RGL3: variants seen among roughly 807,000 people sequenced by gnomAD.
RGL3 encodes ral guanine nucleotide dissociation stimulator-like 3.
A neutral mutation model predicts 90.6 loss-of-function variants in RGL3; 85 were observed. The ratio of observed to expected loss-of-function variants is 0.94; its 90% CI spans 0.79 to 1.12. The LOEUF is 1.12. Among genes scored for constraint, RGL3 ranks in the 50% most tolerant of loss-of-function variants. The pLI is 0.00. For synonymous variants in RGL3, 408 were observed against 385.5 expected (o/e 1.06, Z -0.68); for missense variants, 1,034 against 939.2 (o/e 1.10, Z -1.32).
At chr19:11,404,566 G>GACA (rs113866243) in intron 9 of RGL3, among the ~76,000 whole-genome samples, 56 of 151,700 alleles carry the variant, frequency 3.7e-4, no homozygotes, top group African/African-American at 1.1e-3. Context: ...AAATGATGAC[G>GACA]ACAACAACAA....
intron 18 of RGL3, among the ~76,000 whole-genome samples, chr19:11,396,848 C>T (rs976819016): frequency 1.3e-5 from 2 of 149,392 alleles, no homozygotes; most frequent in Admixed American, 6.7e-5. Flanking sequence ...TTGTATGTTT[C>T]GTAGAGACGG....
rs139186050 is a variant in RGL3, at chr19:11,401,319, C to T, written c.1484+692G>A. 3.8e-3 allele frequency among the ~76,000 whole-genome samples: 575 copies of T among 151,528 alleles called. 5 individuals carry two copies. The highest frequency in any genetic ancestry group is 0.013 in the African/African-American group (521 of 41,306). On this transcript the variant is annotated intron_variant, in intron 13 of 18. Coordinates refer to ENST00000380456, the MANE Select transcript of RGL3 (RefSeq NM_001035223.4). ...TTTTGGCTCACTCCAACCTCTGCCTCCCAGGCTCCAGCAATCCTCCCACCT... is the reference window on the plus strand; with the variant it reads ...TTTTGGCTCACTCCAACCTCTGCCTTCCAGGCTCCAGCAATCCTCCCACCT...
intron 5 of RGL3, among the ~76,000 whole-genome samples, chr19:11,414,713 A>G (rs951555381): frequency 6.6e-6 from 1 of 151,168 alleles, no homozygotes; most frequent in Non-Finnish European, 1.5e-5. Context: ...GATACTTCCT[A>G]AGCAGGATGC....
intron 7 of RGL3, among the ~76,000 whole-genome samples, 156 bp from the exon 8 acceptor site, chr19:11,405,582 ATCATAGCTCAC>A (rs1378168689): frequency 8.0e-6 from 1 of 125,446 alleles, no homozygotes; most frequent in African/African-American, 3.0e-5. Flanking sequence ...CAGTGGCTCG[ATCATAGCTCAC>A]TTGCTGCCTG....
rs752409755 is a variant in RGL3 at position 11,405,208 on chromosome 19, T to C, written c.1124A>G (p.Lys375Arg). The change falls in exon 9 of 19, where the codon AAA becomes AGA. Residue 375 changes from lysine to arginine, a missense_variant. Transcript: ENST00000380456. Reference sequence around the variant, plus strand: ...CTCATCGGAGAAAATCTGCGAAAGTTTCCTGAAAGTAGATAGCGGTTCCCT... The same window carrying C: ...CTCATCGGAGAAAATCTGCGAAAGTCTCCTGAAAGTAGATAGCGGTTCCCT... Reference protein sequence around the residue: ...VSREPLSTFRKLSQIFSDENN... With the variant: ...VSREPLSTFRRLSQIFSDENN... 57 of 1,614,020 alleles carry C rather than the reference T, an allele frequency of 3.5e-5. No individual in the cohort carries two copies. The highest frequency in any genetic ancestry group is 4.3e-5 in the Non-Finnish European group (51 of 1,180,026).
Position 11,399,889 on chromosome 19 carries a change from G to C in RGL3, c.1712C>G (p.Pro571Arg), listed in dbSNP as rs149671936. 2.0e-6 allele frequency: 3 copies of C among 1,517,090 alleles called. No individual in the cohort carries two copies. The African/African-American group carries it at 4.2e-5, about 21-fold the overall frequency. The allele number at this position is 1,517,090 out of a possible 1,614,324, so 94.0% of individuals were successfully genotyped here. A position where few individuals can be genotyped will look rare whatever the true frequency, so the allele number is the denominator to read the frequency against. ...GGGGCCCTGGGGCCCTGGAGAGGCCGGGGGACTGCCAGCAGGAGCATCTCT... is the reference window on the plus strand; with the variant it reads ...GGGGCCCTGGGGCCCTGGAGAGGCCCGGGGACTGCCAGCAGGAGCATCTCT... ...RSRDAPAGSP[P>R]ASPGPQGPST... The change falls in exon 16 of 19, where the codon CCG (proline) becomes CGG (arginine). Residue 571 changes from proline to arginine, a missense_variant. Pro to Arg is a moderately radical substitution (Grantham distance 103). Transcript: ENST00000380456.
chr19:11,399,996 CTGATCCCA>C, intron 15 of RGL3, 36 bp downstream of exon 15: 1 of 1,595,518 alleles, frequency 6.3e-7, no homozygotes, highest in South Asian at 1.1e-5. Flanking sequence ...GTGCTGACTC[CTGATCCCA>C]TGATCCCCAG....
intron 18 of RGL3, among the ~76,000 whole-genome samples, chr19:11,395,630 A>G (rs536858152): frequency 2.0e-5 from 3 of 151,790 alleles, no homozygotes; most frequent in African/African-American, 7.2e-5. Flanking sequence ...TAGACAATCT[A>G]TTTTTTCTTT....
intron 16 of RGL3, among the ~76,000 whole-genome samples, chr19:11,399,519 A>G (rs1412067835): frequency 1.3e-5 from 2 of 152,090 alleles, no homozygotes; most frequent in African/African-American, 4.8e-5. Context: ...CGGTGAGCTG[A>G]GATTGCACCG....
chr19:11,418,393 T>A (rs1354294610), intron 2 of RGL3: 1 of 494,792 alleles, frequency 2.0e-6, no homozygotes, highest in Non-Finnish European at 3.6e-6. Context: ...TAAACCTGCC[T>A]TTCCCAACTC....
Position 11,402,707 on chromosome 19 carries a change from C to T in RGL3, c.1186-1G>A. On this transcript the variant is annotated splice_acceptor_variant, in intron 9 of 18. Transcript: ENST00000380456. LOFTEE classifies it high-confidence loss of function. Reference sequence around the variant, plus strand: ...CTTGGGATCCCTCAGTGGCCTCCTCCTGAGGGAAGAGAAAAACTGAGCCAG... The same window carrying T: ...CTTGGGATCCCTCAGTGGCCTCCTCTTGAGGGAAGAGAAAAACTGAGCCAG... 6.2e-7 allele frequency: 1 copy of T among 1,612,896 alleles called. No homozygotes were observed. Among genetic ancestry groups the T allele is most frequent in the African/African-American group, 1.3e-5 (1 of 74,922 alleles).
At chr19:11,414,499 A>ATATATATATATATATACC (rs1968952569) in intron 5 of RGL3, among the ~76,000 whole-genome samples, 3 of 73,688 alleles carry the variant, frequency 4.1e-5, no homozygotes, top group Admixed American at 1.8e-4. Context: ...TCATATATAT[A>ATATATATATATATATACC]TATATATATA....
chr19:11,404,757 G>A (rs11878750), intron 9 of RGL3, among the ~76,000 whole-genome samples: 3,221 of 152,128 alleles, frequency 0.021, 108 homozygotes, highest in African/African-American at 0.073. Context: ...AAAAACCAGC[G>A]CCTGATTGCA....
intron 18 of RGL3, among the ~76,000 whole-genome samples, chr19:11,396,695 C>T (rs1467532720): frequency 2.8e-5 from 4 of 144,118 alleles, no homozygotes; most frequent in African/African-American, 1.0e-4. Flanking sequence ...AACAGAGTCT[C>T]GCTCTGCTGC....
In RGL3 at chr19:11,406,428, G is replaced by A; in HGVS notation, c.987C>T (p.Arg329=). 1 of 1,538,010 alleles carries A rather than the reference G, an allele frequency of 6.5e-7. No individual in the cohort carries two copies. ...CGCGCCCGCAACACACCTGGGCGAT[G>A]CGGATCCACTTCTCCAGCCGCTGCG... ...QRAQRLEKWI[R]IAQRCRELRN... The change falls in exon 7 of 19, where the codon CGC becomes CGT. Residue 329 remains arginine, a synonymous_variant. Coordinates refer to ENST00000380456, the MANE Select transcript of RGL3 (RefSeq NM_001035223.4).
rs1968635895 is a variant in RGL3, at chr19:11,399,613, A to G, written c.1746+242T>C. Among the ~76,000 whole-genome samples, 4 of 152,232 alleles carry G rather than the reference A, an allele frequency of 2.6e-5. No homozygotes were observed. The South Asian group carries it at 8.3e-4, about 32-fold the overall frequency. On this transcript the variant is annotated intron_variant, in intron 16 of 18. Coordinates refer to ENST00000380456, the MANE Select transcript of RGL3 (RefSeq NM_001035223.4). The stretch of plus-strand genomic sequence containing the variant: ...GATGTGATTGCACCCTAGATGACCC[A>G]TGGGCAAGCAGTTACACAGGTCCAA...
intron 9 of RGL3, among the ~76,000 whole-genome samples, chr19:11,404,168 T>C (rs73510696): frequency 0.082 from 12,444 of 152,154 alleles, 1,398 homozygotes; most frequent in African/African-American, 0.26. Context: ...TAGGCGTGAG[T>C]CACTGAGCCC....
chr19:11,402,275 G>C, intron 11 of RGL3, 28 bp from the exon 12 acceptor site: 1 of 1,611,402 alleles, frequency 6.2e-7, no homozygotes, highest in Non-Finnish European at 8.5e-7. Flanking sequence ...CTGAATTGCA[G>C]CACCCAGGGT....
chr19:11,407,007 A>G, intron 5 of RGL3, 143 bp from the exon 6 acceptor site: 1 of 699,262 alleles, frequency 1.4e-6, no homozygotes, highest in Non-Finnish European at 2.3e-6. Context: ...TTTTTTTTTG[A>G]GACAGTCTTA....
Sources: gnomAD v4.1 joint callset for allele counts (sites outside exome capture counted in the v4.1 genomes callset) on GRCh38, gnomAD v4.1.1 for gene constraint, MANE v1.5 for transcripts, NCBI Gene and HGNC (gene_info 2026-07-23, HGNC 2026-07-21) for gene names.